The following ST14 variants were observed in gnomAD, a reference collection of about 807,000 sequenced individuals.
ST14 encodes ST14 transmembrane serine protease matriptase, also known as suppressor of tumorigenicity 14 protein.
ST14 carries 40 observed loss-of-function variants against 96.5 expected under a neutral mutation model. The ratio of observed to expected loss-of-function variants is 0.41; its 90% CI spans 0.32 to 0.54. The LOEUF is 0.54. ST14 is among the 20% of genes least tolerant of loss of function. The pLI is 0.17. For synonymous variants in ST14, 506 were observed against 492.1 expected (o/e 1.03, Z -0.37); for missense variants, 1,066 against 1,188.9 (o/e 0.90, Z 1.52).
intron 1 of ST14, among the ~76,000 whole-genome samples, chr11:130,172,434 T>C (rs1422723358): frequency 6.8e-6 from 1 of 147,112 alleles, no homozygotes; most frequent in Non-Finnish European, 1.5e-5. Context: ...TTTTTTTTTT[T>C]TGAGACAGAG....
chr11:130,180,544 A>G (rs1167812365), intron 1 of ST14, among the ~76,000 whole-genome samples: 1 of 152,220 alleles, frequency 6.6e-6, no homozygotes, highest in African/African-American at 2.4e-5. Flanking sequence ...TGAGCAGCCC[A>G]TGGCAAATTC....
chr11:130,188,489 G>T lies in ST14; in HGVS notation c.242-41G>T, dbSNP rs1236130573. 4 of 1,609,968 alleles carry T rather than the reference G, an allele frequency of 2.5e-6. No individual in the cohort carries two copies. Among genetic ancestry groups the T allele is most frequent in the South Asian group, 2.2e-5 (2 of 91,050 alleles). ...GGACGGCGAGGGACAGGCGGGGGTG[G>T]TACCACCTCCCCTGACTGAGCGCCT... On this transcript the variant is annotated intron_variant, in intron 2 of 18. Coordinates refer to ENST00000278742, the MANE Select transcript of ST14 (RefSeq NM_021978.4). This position sits in a 1 kb window ranked among gnomAD's most constrained non-coding sequence, Gnocchi z 5.4.
rs560291607 is a variant in ST14, at chr11:130,164,988, C to T, written c.81+4928C>T. 2.0e-3 allele frequency among the ~76,000 whole-genome samples: 305 copies of T among 152,272 alleles called. 4 individuals are homozygous for T. The highest frequency in any genetic ancestry group is 3.5e-3 in the Non-Finnish European group (237 of 68,020). ...CTGAGATCAGGTGATCTGCCCACCT[C>T]GGCCTCCCAAAGTGCTGGGATTACA... On this transcript the variant is annotated intron_variant, in intron 1 of 18. Transcript: ENST00000278742.
chr11:130,168,816 C>T (rs185267618), intron 1 of ST14, among the ~76,000 whole-genome samples: 1 of 152,132 alleles, frequency 6.6e-6, no homozygotes, highest in African/African-American at 2.4e-5. Context: ...AAAACAGGTG[C>T]TCAGATTTGT....
At position 130,160,004 on chromosome 11, in the gene ST14, G is replaced by T. The variant is rs1396426711; in HGVS notation, c.25G>T (p.Gly9Cys). The part of the protein sequence containing the change: MGSDRARK[G>C]GGGPKDFGAG... ...CATGGGGAGCGATCGGGCCCGCAAG[G>T]GCGGAGGGGGCCCGAAGGACTTCGG... is the stretch of plus-strand genomic sequence containing the variant. The change falls in exon 1 of 19, where the codon GGC (glycine) becomes TGC (cysteine). Residue 9 changes from glycine (G) to cysteine (C), a missense_variant. Gly to Cys is a radical substitution (Grantham distance 159, BLOSUM62 -3). Transcript: ENST00000278742. 4 of 1,423,964 alleles carry T rather than the reference G, an allele frequency of 2.8e-6. No individual in the cohort carries two copies. The highest frequency in any genetic ancestry group is 3.7e-6 in the Non-Finnish European group (4 of 1,080,078). 88.2% of individuals were successfully genotyped at this position (1,423,964 alleles called of 1,614,324 possible).
At chr11:130,177,988 C>G (rs1270720711) in intron 1 of ST14, among the ~76,000 whole-genome samples, 1 of 152,186 alleles carries the variant, frequency 6.6e-6, no homozygotes, top group Non-Finnish European at 1.5e-5. Flanking sequence ...TCACACAAGG[C>G]GCGAGCCGCA....
chr11:130,205,776 G>A (rs1253501370), intron 16 of ST14, among the ~76,000 whole-genome samples: 1 of 132,282 alleles, frequency 7.6e-6, no homozygotes, highest in African/African-American at 2.9e-5. Context: ...TAAGCTCACT[G>A]CAACCTCCAC....
chr11:130,188,719 A>C lies in ST14; in HGVS notation c.369+62A>C. 6.2e-7 allele frequency: 1 copy of C among 1,613,468 alleles called. No individual in the cohort carries two copies. The highest frequency in any genetic ancestry group is 8.5e-7 in the Non-Finnish European group (1 of 1,179,766). On this transcript the variant is annotated intron_variant, in intron 3 of 18. Coordinates refer to ENST00000278742, the MANE Select transcript of ST14 (RefSeq NM_021978.4). The surrounding 1 kb of genome is among the most constrained non-coding windows in gnomAD (Gnocchi z 5.4). ...TGCGCTGGTGTCCCACCTGCTGGGC[A>C]GGAGGGACATGCCTCGCCTGTGCTC... is the stretch of plus-strand genomic sequence containing the variant.
chr11:130,160,770 G>A (rs1465643752), intron 1 of ST14, among the ~76,000 whole-genome samples: 4 of 152,238 alleles, frequency 2.6e-5, no homozygotes, highest in Admixed American at 1.3e-4. Context: ...ACATGTTCCT[G>A]TATGGAGTTG....
intron 1 of ST14, among the ~76,000 whole-genome samples, chr11:130,163,335 A>G (rs1479222080): frequency 6.6e-6 from 1 of 152,220 alleles, no homozygotes; most frequent in Non-Finnish European, 1.5e-5. Context: ...TCTTTCTATG[A>G]AAAGAAAATG....
chr11:130,193,236 C>T (rs1484153388), intron 7 of ST14, among the ~76,000 whole-genome samples: 3 of 151,876 alleles, frequency 2.0e-5, no homozygotes, highest in African/African-American at 4.8e-5. Context: ...TGCAGGCAAG[C>T]GCCACCATGC....
intron 1 of ST14, among the ~76,000 whole-genome samples, chr11:130,173,410 A>G (rs1481030453): frequency 6.6e-6 from 1 of 152,134 alleles, no homozygotes; most frequent in Non-Finnish European, 1.5e-5. Flanking sequence ...CAGCCTGGCC[A>G]AATGGCGAAA....
Position 130,177,033 on chromosome 11 carries a change from C to T in ST14, c.82-11081C>T, listed in dbSNP as rs558713546. 9.9e-5 allele frequency among the ~76,000 whole-genome samples: 15 copies of T among 151,408 alleles called. No individual in the cohort carries two copies. The East Asian group carries it at 2.8e-3, about 28-fold the overall frequency. On this transcript the variant is annotated intron_variant, in intron 1 of 18. Transcript: ENST00000278742. ...CAAGATGATCTCGATCTCCTGACCT[C>T]GTGATCCACCTGCCTTGGCCTCCCA... is the stretch of plus-strand genomic sequence containing the variant.
chr11:130,209,547 G>C lies in ST14; in HGVS notation c.2375G>C (p.Gly792Ala). ...QQITPRMMCVGFLSGGVDSCQ... is the reference protein window; with the variant it reads ...QQITPRMMCVAFLSGGVDSCQ... ...ATCACGCCGCGCATGATGTGCGTGG[G>C]CTTCCTCAGCGGCGGCGTGGACTCC... Residue 792 changes from glycine (G) to alanine (A), a missense_variant, in exon 18 of 19, where the codon GGC becomes GCC. Coordinates refer to ENST00000278742, the MANE Select transcript of ST14 (RefSeq NM_021978.4). The C allele has an allele frequency of 6.3e-7, 1 of 1,575,642 alleles. No individual in the cohort carries two copies. Among genetic ancestry groups the C allele is most frequent in the Non-Finnish European group, 8.6e-7 (1 of 1,160,648 alleles).
chr11:130,209,306 G>A (rs1953521981), intron 17 of ST14, 136 bp from the exon 18 acceptor site: 7 of 1,180,858 alleles, frequency 5.9e-6, no homozygotes, highest in Non-Finnish European at 7.3e-6. Flanking sequence ...CTGAGTAGAC[G>A]CGGATTACCC....
chr11:130,208,304 C>T (rs1187912108), intron 16 of ST14, 106 bp from the exon 17 acceptor site: 2 of 1,507,694 alleles, frequency 1.3e-6, no homozygotes, highest in African/African-American at 1.4e-5. Flanking sequence ...CTCGTAGCAG[C>T]AGCTGTGCCT....
intron 1 of ST14, among the ~76,000 whole-genome samples, chr11:130,167,295 A>G (rs1388527272): frequency 6.6e-6 from 1 of 152,222 alleles, no homozygotes; most frequent in Non-Finnish European, 1.5e-5. Context: ...CATGTTTTCT[A>G]AAAAAATTTT....
chr11:130,201,004 A>G (rs513461), intron 16 of ST14, among the ~76,000 whole-genome samples: 31,775 of 152,258 alleles, frequency 0.21, 3,497 homozygotes, highest in Non-Finnish European at 0.24. Flanking sequence ...GTTCTTCACC[A>G]ATGATAGTGA....
At chr11:130,194,071 G>A in intron 7 of ST14, 78 bp from the exon 8 acceptor site, 1 of 1,605,812 alleles carries the variant, frequency 6.2e-7, no homozygotes, top group East Asian at 2.2e-5. Context: ...AGGCACCTCT[G>A]CCTGAGAGCC....
Sources: allele counts gnomAD v4.1 joint callset (sites outside exome capture counted in the v4.1 genomes callset), GRCh38; gene constraint gnomAD v4.1.1; non-coding constraint Gnocchi (gnomAD v3.1); transcripts MANE v1.5; gene names NCBI Gene and HGNC (gene_info 2026-07-23, HGNC 2026-07-21).